Variants in EFNA5 observed in about 807,000 individuals in gnomAD.
EFNA5 encodes ephrin-A5.
EFNA5 carries 5 observed loss-of-function variants against 22.9 expected under a neutral mutation model. That is an observed-to-expected ratio of 0.22 (90% CI 0.11 to 0.46). The LOEUF (loss-of-function observed/expected upper bound fraction) is 0.46, where lower values mean the gene tolerates loss of function less well. EFNA5 is among the 20% of genes least tolerant of loss of function. EFNA5 has a pLI of 0.99. For synonymous variants in EFNA5, 113 were observed against 112.2 expected (o/e 1.01, Z -0.04); for missense variants, 237 against 293.3 (o/e 0.81, Z 1.40).
At chr5:107,448,007 G>A (rs152590) in intron 1 of EFNA5, among the ~76,000 whole-genome samples, 163 of 151,836 alleles carry the variant, frequency 1.1e-3, no homozygotes, top group Middle Eastern at 3.4e-3. Context: ...CCACCACGCC[G>A]GGCTAATTTT....
intron 1 of EFNA5, among the ~76,000 whole-genome samples, chr5:107,487,670 C>A (rs1324491894): frequency 6.6e-6 from 1 of 152,196 alleles, no homozygotes; most frequent in African/African-American, 2.4e-5. Context: ...ACTTCATGAG[C>A]AGCAAAATGA....
At chr5:107,490,903 G>C (rs953707283) in intron 1 of EFNA5, among the ~76,000 whole-genome samples, 28 of 152,276 alleles carry the variant, frequency 1.8e-4, no homozygotes, top group Admixed American at 1.8e-3. Context: ...CAGAGATCCT[G>C]CTCATTATAT....
intron 1 of EFNA5, among the ~76,000 whole-genome samples, chr5:107,472,680 A>T (rs1458983352): frequency 6.6e-6 from 1 of 152,226 alleles, no homozygotes. Flanking sequence ...ACAGGATCCC[A>T]TGGACCTGTC....
chr5:107,582,602 T>C (rs192476905), intron 1 of EFNA5, among the ~76,000 whole-genome samples: 1 of 152,172 alleles, frequency 6.6e-6, no homozygotes, highest in African/African-American at 2.4e-5. Flanking sequence ...TTTTGGAACA[T>C]AAAAGTGACT....
chr5:107,387,317 T>C lies in EFNA5; in HGVS notation c.485-2A>G. 6.3e-7 allele frequency: 1 copy of C among 1,587,432 alleles called. No homozygotes were observed. The highest frequency in any genetic ancestry group is 8.6e-7 in the Non-Finnish European group (1 of 1,163,136). On this transcript the variant is annotated splice_acceptor_variant, in intron 3 of 4. Transcript: ENST00000333274. LOFTEE classifies it high-confidence loss of function. Reference sequence around the variant, plus strand: ...CACCTATAGTTTTCATACAGCTATCTATAACAAAAATAGAGATAACAGCCA... The same window carrying C: ...CACCTATAGTTTTCATACAGCTATCCATAACAAAAATAGAGATAACAGCCA...
intron 1 of EFNA5, among the ~76,000 whole-genome samples, chr5:107,553,657 G>C (rs2112470533): frequency 6.6e-6 from 1 of 152,254 alleles, no homozygotes; most frequent in South Asian, 2.1e-4. Flanking sequence ...CTACTTTGTG[G>C]CCATTGCTAT....
chr5:107,656,526 T>C (rs907881626), intron 1 of EFNA5, among the ~76,000 whole-genome samples: 3 of 152,196 alleles, frequency 2.0e-5, no homozygotes, highest in Admixed American at 1.3e-4. Context: ...TTTGTAAGAA[T>C]GTATTTTCTA....
chr5:107,562,409 T>C (rs947032241), intron 1 of EFNA5, among the ~76,000 whole-genome samples: 4 of 152,112 alleles, frequency 2.6e-5, no homozygotes, highest in African/African-American at 9.7e-5. Context: ...AAGCTTATAT[T>C]TTTTCTAAAT....
chr5:107,609,171 A>G (rs1274265632), intron 1 of EFNA5, among the ~76,000 whole-genome samples: 1 of 152,200 alleles, frequency 6.6e-6, no homozygotes, highest in Non-Finnish European at 1.5e-5. Context: ...AAAATTATAC[A>G]ATGTAATTAA....
chr5:107,647,975 A>C (rs1348608993), intron 1 of EFNA5, among the ~76,000 whole-genome samples: 1 of 152,196 alleles, frequency 6.6e-6, no homozygotes, highest in African/African-American at 2.4e-5. Context: ...CAGGTGGATT[A>C]GATAATATTT....
intron 1 of EFNA5, among the ~76,000 whole-genome samples, chr5:107,462,379 A>G (rs1749855562): frequency 6.6e-6 from 1 of 152,210 alleles, no homozygotes; most frequent in South Asian, 2.1e-4. Context: ...GATGTCAACA[A>G]CAAATGAACA....
intron 1 of EFNA5, among the ~76,000 whole-genome samples, chr5:107,445,355 C>T (rs1415007497): frequency 6.6e-6 from 1 of 152,128 alleles, no homozygotes; most frequent in Non-Finnish European, 1.5e-5. Flanking sequence ...TAACTTTAAA[C>T]CCCAAAGAGT....
At position 107,531,028 on chromosome 5, in the gene EFNA5, G is replaced by A. The variant is rs534227449; in HGVS notation, c.126-103519C>T. 1.2e-4 allele frequency among the ~76,000 whole-genome samples: 19 copies of A among 152,302 alleles called. No individual in the cohort carries two copies. In the South Asian group the frequency reaches 3.5e-3, roughly 28 times the overall value. ...ATTAAATTTGCAATAAATCAAAGCTGTAGAAGATGACAGATTTAGAACTCA... is the reference window on the plus strand; with the variant it reads ...ATTAAATTTGCAATAAATCAAAGCTATAGAAGATGACAGATTTAGAACTCA... On this transcript the variant is annotated intron_variant, in intron 1 of 4. Coordinates refer to ENST00000333274, the MANE Select transcript of EFNA5 (RefSeq NM_001962.3).
At chr5:107,394,414 T>C (rs896871946) in intron 2 of EFNA5, among the ~76,000 whole-genome samples, 78 of 152,352 alleles carry the variant, frequency 5.1e-4, no homozygotes, top group African/African-American at 1.8e-3. Context: ...ACTCTGGGGA[T>C]GTTTCTTTTA....
At chr5:107,518,428 G>A (rs563038904) in intron 1 of EFNA5, among the ~76,000 whole-genome samples, 24 of 152,152 alleles carry the variant, frequency 1.6e-4, no homozygotes, top group East Asian at 1.4e-3. Flanking sequence ...GGAGAGCTCC[G>A]GAGTCCTGAT....
intron 1 of EFNA5, among the ~76,000 whole-genome samples, chr5:107,622,962 A>C (rs112489508): frequency 0.021 from 2,842 of 132,574 alleles, 50 homozygotes; most frequent in Non-Finnish European, 0.028. Flanking sequence ...CGGAGCTTGC[A>C]GTGAGCCGAG....
intron 1 of EFNA5, among the ~76,000 whole-genome samples, chr5:107,516,600 A>G (rs1376517477): frequency 1.3e-5 from 2 of 152,206 alleles, no homozygotes; most frequent in African/African-American, 4.8e-5. Flanking sequence ...TACACTACAC[A>G]TATGGCCGTA....
chr5:107,557,364 A>G (rs535734947), intron 1 of EFNA5, among the ~76,000 whole-genome samples: 27 of 150,306 alleles, frequency 1.8e-4, no homozygotes, highest in Admixed American at 5.3e-4. Flanking sequence ...TTAAATGAGA[A>G]GGGGCGAGAG....
chr5:107,429,213 C>A (rs1393903160), intron 1 of EFNA5, among the ~76,000 whole-genome samples: 1 of 152,204 alleles, frequency 6.6e-6, no homozygotes, highest in Admixed American at 6.5e-5. Context: ...GAGGCTGGGG[C>A]AGGCGGATCA....
Sources: allele counts gnomAD v4.1 joint callset (sites outside exome capture counted in the v4.1 genomes callset), GRCh38; gene constraint gnomAD v4.1.1; transcripts MANE v1.5; gene names NCBI Gene and HGNC (gene_info 2026-07-23, HGNC 2026-07-21).